STARD13: variants seen among roughly 807,000 people sequenced by gnomAD.
The protein encoded by STARD13 is StAR related lipid transfer domain containing 13.
In STARD13, 62 loss-of-function variants were observed where a neutral mutation model predicts 106.4. The observed-to-expected ratio is 0.58, with a 90% CI of 0.48 to 0.72. The LOEUF (loss-of-function observed/expected upper bound fraction) is 0.72. STARD13 is among the 30% of genes least tolerant of loss of function. The pLI is 0.00. For synonymous variants in STARD13, 565 were observed against 553.0 expected (o/e 1.02, Z -0.31); for missense variants, 1,387 against 1,424.0 (o/e 0.97, Z 0.42).
chr13:33,192,870 C>T (rs534354166), intron 1 of STARD13, among the ~76,000 whole-genome samples: 11 of 151,812 alleles, frequency 7.2e-5, no homozygotes, highest in Non-Finnish European at 1.6e-4. Context: ...TGCACTCCAG[C>T]GTGGGCAAAA....
chr13:33,163,611 T>TATATATAAC (rs1882919797), intron 3 of STARD13, among the ~76,000 whole-genome samples: 1 of 85,006 alleles, frequency 1.2e-5, no homozygotes, highest in Non-Finnish European at 2.6e-5. Flanking sequence ...AAAAAATATA[T>TATATATAAC]ATATATATAT....
At chr13:33,571,533 G>C in the STARD13 span, among the ~76,000 whole-genome samples, 1 of 150,114 alleles carries the variant, frequency 6.7e-6, no homozygotes, top group Non-Finnish European at 1.5e-5. Context: ...GAAGGGACTT[G>C]GTCTGTACTT....
chr13:33,195,161 A>G (rs1015596840), intron 1 of STARD13, among the ~76,000 whole-genome samples: 5 of 152,246 alleles, frequency 3.3e-5, no homozygotes, highest in African/African-American at 1.2e-4. Context: ...ATCAATGACC[A>G]ACAATTAAAA....
At chr13:33,357,740 G>A in the STARD13 span, among the ~76,000 whole-genome samples, 1 of 152,152 alleles carries the variant, frequency 6.6e-6, no homozygotes, top group African/African-American at 2.4e-5. Context: ...AGACCAGCCT[G>A]GCCAACATAT....
the STARD13 span, among the ~76,000 whole-genome samples, chr13:33,421,139 T>G: frequency 2.0e-5 from 3 of 152,014 alleles, no homozygotes; most frequent in African/African-American, 7.2e-5. Context: ...AAAAAACCTT[T>G]CAAAAAATCA....
the STARD13 span, among the ~76,000 whole-genome samples, chr13:33,617,880 T>C: frequency 6.6e-6 from 1 of 152,202 alleles, no homozygotes; most frequent in Non-Finnish European, 1.5e-5. Flanking sequence ...GAATATGTTC[T>C]CTCAAGGAAT....
chr13:33,625,412 A>G, the STARD13 span, among the ~76,000 whole-genome samples: 1 of 151,722 alleles, frequency 6.6e-6, no homozygotes, highest in Admixed American at 6.6e-5. Context: ...TCTACTAAAA[A>G]TACAAAAATT....
At chr13:33,162,642 C>G (rs1882767017) in intron 3 of STARD13, among the ~76,000 whole-genome samples, 1 of 152,174 alleles carries the variant, frequency 6.6e-6, no homozygotes, top group Non-Finnish European at 1.5e-5. Flanking sequence ...AAAATGCCAC[C>G]AGTCTCTTTG....
the STARD13 span, among the ~76,000 whole-genome samples, chr13:33,493,558 T>G: frequency 6.6e-6 from 1 of 152,138 alleles, no homozygotes; most frequent in Non-Finnish European, 1.5e-5. Flanking sequence ...ATACAGAATA[T>G]TAACACCTAA....
the STARD13 span, among the ~76,000 whole-genome samples, chr13:33,431,297 T>C: frequency 6.6e-6 from 1 of 152,186 alleles, no homozygotes; most frequent in Non-Finnish European, 1.5e-5. Context: ...AGATTTTTAA[T>C]ACCTATTATA....
At chr13:33,137,539 A>G (rs921670295) in intron 4 of STARD13, among the ~76,000 whole-genome samples, 6 of 152,264 alleles carry the variant, frequency 3.9e-5, no homozygotes, top group Non-Finnish European at 5.9e-5. Flanking sequence ...CAGGTGGGCC[A>G]GATTAGAAGG....
At chr13:33,243,163 A>T (rs553515499) in intron 1 of STARD13, among the ~76,000 whole-genome samples, 1 of 152,248 alleles carries the variant, frequency 6.6e-6, no homozygotes, top group Non-Finnish European at 1.5e-5. Flanking sequence ...CTTCTTCCTC[A>T]TGGTACTCTT....
At chr13:33,661,808 C>T in the STARD13 span, among the ~76,000 whole-genome samples, 1 of 151,374 alleles carries the variant, frequency 6.6e-6, no homozygotes, top group Non-Finnish European at 1.5e-5. Flanking sequence ...GACACAGAGC[C>T]AACCCATATC....
chr13:33,283,979 A>G (rs770686012), intron 1 of STARD13, among the ~76,000 whole-genome samples: 1 of 152,208 alleles, frequency 6.6e-6, no homozygotes, highest in South Asian at 2.1e-4. Context: ...GAACATTTAT[A>G]TCTTGTAGAT....
At chr13:33,547,824 A>G in the STARD13 span, among the ~76,000 whole-genome samples, 5 of 152,230 alleles carry the variant, frequency 3.3e-5, no homozygotes, top group African/African-American at 1.2e-4. Flanking sequence ...CCAAGAAAAA[A>G]TATTTCATAA....
At chr13:33,196,246 G>A (rs9536673) in intron 1 of STARD13, among the ~76,000 whole-genome samples, 32,628 of 151,868 alleles carry the variant, frequency 0.21, 4,433 homozygotes, top group South Asian at 0.37. Flanking sequence ...TTAGCTGGGC[G>A]TGGTGACACG....
the STARD13 span, among the ~76,000 whole-genome samples, chr13:33,625,320 C>T: frequency 6.6e-6 from 1 of 152,104 alleles, no homozygotes; most frequent in African/African-American, 2.4e-5. Context: ...GCCTGTAATC[C>T]CAGCACTTTG....
At chr13:33,590,321 T>C in the STARD13 span, among the ~76,000 whole-genome samples, 2 of 151,984 alleles carry the variant, frequency 1.3e-5, no homozygotes, top group East Asian at 3.9e-4. Flanking sequence ...ACTAGAAATA[T>C]CATTTGACCC....
the STARD13 span, chr13:33,524,376 T>A: frequency 1.3e-6 from 1 of 788,744 alleles, no homozygotes; most frequent in Non-Finnish European, 1.7e-6. Context: ...TAGAATCCTG[T>A]AAAAAAATTT....
Sources: gnomAD v4.1 joint callset for allele counts (sites outside exome capture counted in the v4.1 genomes callset) on GRCh38, gnomAD v4.1.1 for gene constraint, MANE v1.5 for transcripts, NCBI Gene and HGNC (gene_info 2026-07-23, HGNC 2026-07-21) for gene names.